Variants in VEZT observed in about 807,000 individuals in gnomAD.
VEZT encodes the protein vezatin.
In VEZT, 39 loss-of-function variants were observed where a neutral mutation model predicts 79.9. The observed-to-expected ratio is 0.49, with a 90% CI of 0.38 to 0.64. The LOEUF (loss-of-function observed/expected upper bound fraction) is 0.64. Among genes scored for constraint, VEZT ranks in the 30% least tolerant of loss-of-function variants. The probability of loss-of-function intolerance (pLI) is 0.00; values close to 1 mark genes in which losing one functional copy is unlikely to be tolerated. For missense variants in VEZT, 837 were observed against 893.1 expected (o/e 0.94, Z 0.80); for synonymous variants, 325 against 327.6 (o/e 0.99, Z 0.09).
chr12:95,252,219 A>G (rs1283565708), intron 2 of VEZT, 148 bp downstream of exon 2: 2 of 742,280 alleles, frequency 2.7e-6, no homozygotes, highest in Non-Finnish European at 3.9e-6. Context: ...TGTTAGATAA[A>G]CATGAATCCT....
intron 1 of VEZT, among the ~76,000 whole-genome samples, chr12:95,250,952 A>C (rs2062495403): frequency 6.6e-6 from 1 of 152,114 alleles, no homozygotes; most frequent in South Asian, 2.1e-4. Context: ...AAGGATTATA[A>C]ATTTCCTGGT....
chr12:95,286,119 A>C (rs1594066298), intron 8 of VEZT, among the ~76,000 whole-genome samples: 2 of 149,574 alleles, frequency 1.3e-5, no homozygotes, highest in African/African-American at 2.5e-5. Context: ...TGACCTCCTG[A>C]GTAGCTGGGA....
chr12:95,254,721 G>C (rs2063194806), intron 2 of VEZT, among the ~76,000 whole-genome samples: 1 of 152,172 alleles, frequency 6.6e-6, no homozygotes, highest in East Asian at 1.9e-4. Flanking sequence ...GGGAATGTAT[G>C]TTTAGAATTG....
intron 8 of VEZT, chr12:95,286,215 C>T (rs973306468): frequency 7.7e-6 from 2 of 260,012 alleles, no homozygotes; most frequent in African/African-American, 2.3e-5. Context: ...TGGTCTCGAA[C>T]TCCTGACCTC....
chr12:95,220,408 A>G (rs2057387489), intron 1 of VEZT, among the ~76,000 whole-genome samples: 1 of 152,172 alleles, frequency 6.6e-6, no homozygotes, highest in Non-Finnish European at 1.5e-5. Flanking sequence ...GTGAGCCATG[A>G]TCGCACCGCT....
chr12:95,227,896 A>G (rs1003744575), intron 1 of VEZT, among the ~76,000 whole-genome samples: 1 of 152,216 alleles, frequency 6.6e-6, no homozygotes, highest in Admixed American at 6.5e-5. Context: ...AGTTCATTTA[A>G]ACCATTCCTT....
chr12:95,270,796 CATGACA>C (rs2066440760), intron 6 of VEZT, among the ~76,000 whole-genome samples: 1 of 152,096 alleles, frequency 6.6e-6, no homozygotes, highest in African/African-American at 2.4e-5. Context: ...CCAAAGACTG[CATGACA>C]ATAAGTCTGT....
intron 1 of VEZT, among the ~76,000 whole-genome samples, chr12:95,229,237 C>G (rs973968416): frequency 6.6e-6 from 1 of 152,068 alleles, no homozygotes; most frequent in Non-Finnish European, 1.5e-5. Flanking sequence ...GTAGGTAGTT[C>G]TCTCTTTTAT....
chr12:95,293,553 A>G (rs2073476861), intron 9 of VEZT: 1 of 152,254 alleles, frequency 6.6e-6, no homozygotes, highest in African/African-American at 2.4e-5. Context: ...TTGTGAATTC[A>G]TTTCCAATTC....
chr12:95,283,397 A>C (rs1465204704), intron 8 of VEZT, among the ~76,000 whole-genome samples: 2 of 152,218 alleles, frequency 1.3e-5, no homozygotes, highest in African/African-American at 4.8e-5. Context: ...GGACTGGATC[A>C]AATGAATGGT....
rs771805165 is a variant in VEZT, at chr12:95,282,433, A to G, written c.1117A>G (p.Ile373Val). Reference protein sequence around the residue: ...LLTPALLPHRILSDVTQGLPH... With the variant: ...LLTPALLPHRVLSDVTQGLPH... The stretch of plus-strand genomic sequence containing the variant: ...TACTCCAGCACTTCTGCCTCATCGT[A>G]TCTTATCTGATGTGACTCAAGGTCT... The change falls in exon 8 of 12, where the codon ATC becomes GTC. Residue 373 changes from isoleucine (I) to valine (V), a missense_variant. Coordinates refer to ENST00000436874, the MANE Select transcript of VEZT (RefSeq NM_017599.4). 8.7e-6 allele frequency: 14 copies of G among 1,613,728 alleles called. No individual in the cohort carries two copies. Among genetic ancestry groups the G allele is most frequent in the Non-Finnish European group, 1.0e-5 (12 of 1,179,880 alleles).
At chr12:95,289,597 A>G (rs1418746155) in intron 9 of VEZT, among the ~76,000 whole-genome samples, 1 of 152,068 alleles carries the variant, frequency 6.6e-6, no homozygotes, top group Non-Finnish European at 1.5e-5. Context: ...TATTTTCTGT[A>G]TGTGTGGCTT....
Position 95,282,550 on chromosome 12 carries a change from T to A in VEZT, c.1234T>A (p.Cys412Ser). The part of the protein sequence containing the change: ...FETQHQSVPQ[C>S]LSKTQQKSRE... ...AACTCAGCACCAGTCAGTACCGCAGTGTTTATCCAAAACTCAACAGAAGTC... is the reference window on the plus strand; with the variant it reads ...AACTCAGCACCAGTCAGTACCGCAGAGTTTATCCAAAACTCAACAGAAGTC... The change falls in exon 8 of 12, where the codon TGT becomes AGT. Residue 412 changes from cysteine to serine, a missense_variant. By Grantham distance (112) the Cys-to-Ser change is moderately radical. Coordinates refer to ENST00000436874, the MANE Select transcript of VEZT (RefSeq NM_017599.4). 2 of 1,614,032 alleles carry A rather than the reference T, an allele frequency of 1.2e-6. No homozygotes were observed. The highest frequency in any genetic ancestry group is 2.7e-5 in the African/African-American group (2 of 75,072).
intron 1 of VEZT, among the ~76,000 whole-genome samples, chr12:95,233,460 C>T (rs1047103591): frequency 1.3e-5 from 2 of 152,124 alleles, no homozygotes; most frequent in South Asian, 2.1e-4. Flanking sequence ...AGTGCAGTGG[C>T]ACAATCTTGG....
intron 1 of VEZT, among the ~76,000 whole-genome samples, chr12:95,225,795 AGAG>A (rs2058384308): frequency 1.8e-5 from 1 of 55,144 alleles, no homozygotes; most frequent in Non-Finnish European, 3.9e-5. Context: ...AAAAAAAAAG[AGAG>A]AGAAGGATGG....
At chr12:95,250,929 A>C (rs2062489833) in intron 1 of VEZT, among the ~76,000 whole-genome samples, 1 of 152,204 alleles carries the variant, frequency 6.6e-6, no homozygotes, top group Non-Finnish European at 1.5e-5. Flanking sequence ...TAGATGAGAC[A>C]GCTGATGCAC....
intron 5 of VEZT, among the ~76,000 whole-genome samples, chr12:95,268,371 G>A (rs56114057): frequency 0.11 from 17,118 of 151,624 alleles, 1,260 homozygotes; most frequent in East Asian, 0.16. Flanking sequence ...GGTGGCGGGT[G>A]CCTGTAGACC....
At position 95,300,988 on chromosome 12, in the gene VEZT, G is replaced by A. The variant is rs2075146874; in HGVS notation, c.*315G>A. On this transcript the variant is annotated 3_prime_UTR_variant, in exon 12 of 12. Coordinates refer to ENST00000436874, the MANE Select transcript of VEZT (RefSeq NM_017599.4). Reference sequence around the variant, plus strand: ...GAATTATCATTTCTTGCCAGAATTTGCTACCTTAAGGTGATTGGGAAAATT... The same window carrying A: ...GAATTATCATTTCTTGCCAGAATTTACTACCTTAAGGTGATTGGGAAAATT... 1 of 177,232 alleles carries A rather than the reference G, an allele frequency of 5.6e-6. No individual in the cohort carries two copies. The highest frequency in any genetic ancestry group is 6.0e-5 in the Admixed American group (1 of 16,718). The allele number at this position is 177,232 out of a possible 1,614,324, so 11.0% of individuals were successfully genotyped here.
intron 3 of VEZT, among the ~76,000 whole-genome samples, chr12:95,261,536 C>T (rs1035141130): frequency 3.3e-5 from 5 of 152,086 alleles, no homozygotes; most frequent in African/African-American, 9.7e-5. Flanking sequence ...CTCAGCTTCC[C>T]AAGTAGCCAG....
Sources: allele counts gnomAD v4.1 joint callset (sites outside exome capture counted in the v4.1 genomes callset), GRCh38; gene constraint gnomAD v4.1.1; transcripts MANE v1.5; gene names NCBI Gene and HGNC (gene_info 2026-07-23, HGNC 2026-07-21).